Variants in CADM2 observed in about 807,000 individuals in gnomAD.
The protein encoded by CADM2 is cell adhesion molecule 2.
In CADM2, 12 loss-of-function variants were observed where a neutral mutation model predicts 49.8. The observed-to-expected ratio is 0.24, with a 90% CI of 0.15 to 0.39. The LOEUF (loss-of-function observed/expected upper bound fraction) is 0.39. Ranked by LOEUF, CADM2 falls within the 10% of genes least tolerant of loss-of-function variation. The probability of loss-of-function intolerance (pLI) is 1.00; values close to 1 mark genes in which losing one functional copy is unlikely to be tolerated. For missense variants in CADM2, 378 were observed against 492.3 expected (o/e 0.77, Z 2.20); for synonymous variants, 214 against 175.4 (o/e 1.22, Z -1.74).
At chr3:85,207,848 G>GA (rs2041686449) in intron 1 of CADM2, among the ~76,000 whole-genome samples, 3 of 152,050 alleles carry the variant, frequency 2.0e-5, no homozygotes, top group Admixed American at 1.3e-4. Flanking sequence ...CTCTTGAAAG[G>GA]AGTTTTTTTG....
intron 8 of CADM2, among the ~76,000 whole-genome samples, chr3:85,988,361 C>T (rs1303520099): frequency 2.0e-5 from 3 of 152,094 alleles, no homozygotes; most frequent in Non-Finnish European, 2.9e-5. Flanking sequence ...AACTACAAGA[C>T]AAGGAAGCAG....
In CADM2 at chr3:85,801,267, A is replaced by C. The variant is rs1486818964; in HGVS notation, c.89-780A>C. Reference sequence around the variant, plus strand: ...TAACAAATTAGTAAAATGCTTAAGAAGAGCAAAACCTTGATTACATACTGA... The same window carrying C: ...TAACAAATTAGTAAAATGCTTAAGACGAGCAAAACCTTGATTACATACTGA... On this transcript the variant is annotated intron_variant, in intron 2 of 9. Coordinates refer to ENST00000383699, the MANE Select transcript of CADM2 (RefSeq NM_001167675.2). Among the ~76,000 whole-genome samples the C allele has an allele frequency of 2.6e-5, 4 of 152,306 alleles. No homozygotes were observed. In the East Asian group the frequency reaches 7.7e-4, roughly 29 times the overall value.
chr3:85,542,832 G>A (rs1483604635), intron 1 of CADM2, among the ~76,000 whole-genome samples: 4 of 152,122 alleles, frequency 2.6e-5, no homozygotes, highest in African/African-American at 7.2e-5. Context: ...TAACCCTAAC[G>A]TCAAGAGTGG....
chr3:85,700,035 C>G (rs138765112), intron 1 of CADM2, among the ~76,000 whole-genome samples: 1 of 152,134 alleles, frequency 6.6e-6, no homozygotes, highest in Non-Finnish European at 1.5e-5. Context: ...CACATGCACA[C>G]GTATGTTTAC....
chr3:85,348,261 G>T (rs895908955), intron 1 of CADM2, among the ~76,000 whole-genome samples: 3 of 152,136 alleles, frequency 2.0e-5, no homozygotes, highest in Admixed American at 2.0e-4. Context: ...GAAAGGCCAT[G>T]CTTATGTTCT....
At chr3:85,505,865 A>T (rs2107675103) in intron 1 of CADM2, among the ~76,000 whole-genome samples, 1 of 152,110 alleles carries the variant, frequency 6.6e-6, no homozygotes, top group African/African-American at 2.4e-5. Flanking sequence ...CATGTTTGGT[A>T]TTTTTGCTTT....
chr3:85,845,712 T>C (rs1303824680), intron 3 of CADM2, among the ~76,000 whole-genome samples: 1 of 152,180 alleles, frequency 6.6e-6, no homozygotes, highest in Non-Finnish European at 1.5e-5. Context: ...TGAGTGGGCC[T>C]CAAGGCTATC....
chr3:85,999,274 G>GGC (rs1559791907), intron 8 of CADM2, among the ~76,000 whole-genome samples: 4 of 151,294 alleles, frequency 2.6e-5, no homozygotes, highest in East Asian at 2.0e-4. Flanking sequence ...CGAGGGTTGG[G>GGC]GGGTGGATCA....
At chr3:85,645,552 C>T (rs1415978237) in intron 1 of CADM2, among the ~76,000 whole-genome samples, 1 of 151,794 alleles carries the variant, frequency 6.6e-6, no homozygotes, top group Non-Finnish European at 1.5e-5. Flanking sequence ...ATTAAAGTCA[C>T]TACATGATTT....
intron 8 of CADM2, among the ~76,000 whole-genome samples, chr3:86,060,056 G>A (rs1738432955): frequency 6.6e-6 from 1 of 152,010 alleles, no homozygotes; most frequent in African/African-American, 2.4e-5. Flanking sequence ...TTCCTTCACA[G>A]ATTATAAGAA....
intron 1 of CADM2, among the ~76,000 whole-genome samples, chr3:85,042,708 G>C (rs2035490459): frequency 6.6e-6 from 1 of 152,140 alleles, no homozygotes; most frequent in Non-Finnish European, 1.5e-5. Flanking sequence ...TAGTTGAATA[G>C]CTGCATATGG....
At chr3:85,462,357 A>G (rs2038287997) in intron 1 of CADM2, among the ~76,000 whole-genome samples, 1 of 152,176 alleles carries the variant, frequency 6.6e-6, no homozygotes, top group Non-Finnish European at 1.5e-5. Flanking sequence ...CTGCACACCA[A>G]GACTATGACA....
chr3:85,166,315 C>T (rs978118875), intron 1 of CADM2, among the ~76,000 whole-genome samples: 3 of 151,574 alleles, frequency 2.0e-5, no homozygotes, highest in African/African-American at 7.3e-5. Flanking sequence ...CTGTGGATTG[C>T]TTATTAAAAT....
rs574529152 is a variant in CADM2, at chr3:85,833,706, G to C, written c.238+31510G>C. 4.6e-5 allele frequency among the ~76,000 whole-genome samples: 7 copies of C among 151,450 alleles called. No homozygotes were observed. In the South Asian group the frequency reaches 1.5e-3, roughly 32 times the overall value. ...TTGATGATGTCTGCATAGATTCCAG[G>C]GGTCTACATGTCTGTTTTATGCCAG... On this transcript the variant is annotated intron_variant, in intron 3 of 9. Transcript: ENST00000383699.
At chr3:85,365,534 A>G (rs962012676) in intron 1 of CADM2, among the ~76,000 whole-genome samples, 4 of 152,146 alleles carry the variant, frequency 2.6e-5, no homozygotes, top group Admixed American at 6.6e-5. Context: ...ACTGAAATGC[A>G]TGGACAGAAT....
chr3:85,783,267 T>G (rs1577302180), intron 2 of CADM2, among the ~76,000 whole-genome samples: 1 of 152,302 alleles, frequency 6.6e-6, no homozygotes, highest in African/African-American at 2.4e-5. Flanking sequence ...TTTGGTTAAA[T>G]GAAGTAGCAA....
intron 1 of CADM2, among the ~76,000 whole-genome samples, chr3:85,064,130 C>A (rs1326098448): frequency 6.6e-6 from 1 of 152,084 alleles, no homozygotes; most frequent in Non-Finnish European, 1.5e-5. Context: ...AGTTTCCCGC[C>A]TTTGCTAACC....
chr3:85,736,139 A>G (rs184227753), intron 2 of CADM2, among the ~76,000 whole-genome samples: 70 of 152,186 alleles, frequency 4.6e-4, no homozygotes, highest in Non-Finnish European at 5.0e-4. Context: ...AGAAGAAAAT[A>G]AAAAAGAAAA....
intron 1 of CADM2, among the ~76,000 whole-genome samples, chr3:85,367,833 ATG>A (rs10547677): frequency 0.8 from 117,911 of 148,006 alleles, 50,265 homozygotes; most frequent in Non-Finnish European, 0.93. Context: ...ATACATATAT[ATG>A]TGTGTGTGTG....
Sources: gnomAD v4.1 joint callset for allele counts (sites outside exome capture counted in the v4.1 genomes callset) on GRCh38, gnomAD v4.1.1 for gene constraint, MANE v1.5 for transcripts, NCBI Gene and HGNC (gene_info 2026-07-23, HGNC 2026-07-21) for gene names.